The following DNAH10 variants were observed in gnomAD, a reference collection of about 807,000 sequenced individuals.
The protein encoded by DNAH10 is dynein axonemal heavy chain 10, also known as axonemal beta dynein heavy chain 10.
A neutral mutation model predicts 506.6 loss-of-function variants in DNAH10; 348 were observed. The observed-to-expected ratio is 0.69, with a 90% CI of 0.63 to 0.75. The LOEUF is 0.75. DNAH10 is among the 30% of genes least tolerant of loss of function. The pLI is 0.00. For missense variants in DNAH10, 5,179 were observed against 5,787.1 expected (o/e 0.89, Z 3.41); for synonymous variants, 2,059 against 2,198.6 (o/e 0.94, Z 1.78).
intron 52 of DNAH10, 61 bp from the exon 53 acceptor site, chr12:123,893,172 C>A: frequency 1.3e-6 from 2 of 1,517,676 alleles, no homozygotes; most frequent in Non-Finnish European, 1.8e-6. Context: ...ACTCAGTCAG[C>A]ACTTAGAGCG....
chr12:123,878,908 A>G (rs1952376825), intron 48 of DNAH10, among the ~76,000 whole-genome samples: 1 of 152,186 alleles, frequency 6.6e-6, no homozygotes, highest in African/African-American at 2.4e-5. Context: ...TAAAAAAAGA[A>G]AAAAGAGAGA....
intron 41 of DNAH10, 84 bp from the exon 42 acceptor site, chr12:123,867,383 C>G: frequency 6.8e-7 from 1 of 1,460,876 alleles, no homozygotes; most frequent in Non-Finnish European, 9.2e-7. Flanking sequence ...TTGCTCAACC[C>G]TCTTTGGGCA....
At position 123,929,387 on chromosome 12, in the gene DNAH10, A is replaced by T; in HGVS notation, c.12419A>T (p.Tyr4140Phe). The change falls in exon 71 of 79, where the codon TAC becomes TTC. Residue 4140 changes from tyrosine (Y) to phenylalanine (F), a missense_variant. Tyr to Phe is a conservative substitution (Grantham distance 22, BLOSUM62 3). This residue lies in a region of DNAH10 where 4,844 missense variants were observed against 5,430.5 expected (regional missense o/e 0.89). Coordinates refer to ENST00000673944, the MANE Select transcript of DNAH10 (RefSeq NM_001372106.1). ...CPHPAFKPLV[Y>F]VLAFFHAVVQ... ...CACCCTGCCTTCAAGCCGCTGGTCT[A>T]CGTGCTGGCGTTCTTTCATGCTGTG... is the stretch of plus-strand genomic sequence containing the variant. The T allele has an allele frequency of 6.2e-7, 1 of 1,613,282 alleles. No homozygotes were observed. The highest frequency in any genetic ancestry group is 2.2e-5 in the East Asian group (1 of 44,880).
rs1955234259 is a variant in DNAH10 at position 123,931,964 on chromosome 12, G to A, written c.13152G>A (p.Met4384Ile). 2.5e-6 allele frequency: 4 copies of A among 1,613,916 alleles called. No homozygotes were observed. Among genetic ancestry groups the A allele is most frequent in the African/African-American group, 1.3e-5 (1 of 74,932 alleles). Residue 4384 changes from methionine (M) to isoleucine (I), a missense_variant, in exon 76 of 79, where the codon ATG becomes ATA. This residue lies in a region of DNAH10 where 4,844 missense variants were observed against 5,430.5 expected (regional missense o/e 0.89). Coordinates refer to ENST00000673944, the MANE Select transcript of DNAH10 (RefSeq NM_001372106.1). ...LQRALAGEVG[M>I]SNELDDVARS... ...AGGCCTTGGCTGGAGAAGTTGGAATGAGCAATGAGTTAGATGATGTGGCCA... is the reference window on the plus strand; with the variant it reads ...AGGCCTTGGCTGGAGAAGTTGGAATAAGCAATGAGTTAGATGATGTGGCCA...
chr12:123,868,802 T>G (rs1172299114), intron 43 of DNAH10, among the ~76,000 whole-genome samples: 1 of 152,244 alleles, frequency 6.6e-6, no homozygotes, highest in Non-Finnish European at 1.5e-5. Flanking sequence ...TGGCCTCCGG[T>G]CTTTCTAATG....
chr12:123,857,397 A>G (rs1951437550), intron 37 of DNAH10, 150 bp downstream of exon 37: 1 of 733,644 alleles, frequency 1.4e-6, no homozygotes, highest in Non-Finnish European at 2.0e-6. Context: ...ACAGTAAAAT[A>G]CACATAACAA....
At chr12:123,766,155 A>G (rs895931436) in intron 1 of DNAH10, among the ~76,000 whole-genome samples, 5 of 151,986 alleles carry the variant, frequency 3.3e-5, no homozygotes, top group African/African-American at 1.2e-4. Flanking sequence ...CTACCTACCT[A>G]TACATCTATC....
At chr12:123,805,178 T>C (rs1958618607) in intron 18 of DNAH10, 138 bp downstream of exon 18, 1 of 847,240 alleles carries the variant, frequency 1.2e-6, no homozygotes, top group Admixed American at 2.5e-5. Context: ...AGAAGGGCAC[T>C]CACAGAATGG....
intron 51 of DNAH10, among the ~76,000 whole-genome samples, chr12:123,886,707 A>G (rs186114267): frequency 2.0e-5 from 3 of 152,316 alleles, no homozygotes; most frequent in African/African-American, 7.2e-5. Context: ...GGTTGCAATG[A>G]AAGTTTTAAT....
In DNAH10 at chr12:123,929,388, C is replaced by A; in HGVS notation, c.12420C>A (p.Tyr4140Ter). The A allele has an allele frequency of 5.0e-6, 8 of 1,613,280 alleles. No individual in the cohort carries two copies. Among genetic ancestry groups the A allele is most frequent in the Non-Finnish European group, 6.8e-6 (8 of 1,179,646 alleles). ...CPHPAFKPLV[Y>*]VLAFFHAVVQ... is the part of the protein sequence containing the mutation. ...ACCCTGCCTTCAAGCCGCTGGTCTA[C>A]GTGCTGGCGTTCTTTCATGCTGTGG... The change falls in exon 71 of 79, where the codon TAC (tyrosine) becomes TAA (stop). Residue 4140 changes from tyrosine (Y) to a stop codon, truncating the protein, a stop_gained. Coordinates refer to ENST00000673944, the MANE Select transcript of DNAH10 (RefSeq NM_001372106.1). LOFTEE classifies it high-confidence loss of function.
intron 35 of DNAH10, 124 bp downstream of exon 35, chr12:123,851,200 C>CTCCGTGTGGCTCT: frequency 1.0e-6 from 1 of 987,662 alleles, no homozygotes; most frequent in Non-Finnish European, 1.4e-6. Flanking sequence ...GATGTGTCAG[C>CTCCGTGTGGCTCT]TCCATGTGGC....
At chr12:123,889,950 A>G (rs958568808) in intron 52 of DNAH10, among the ~76,000 whole-genome samples, 4 of 152,034 alleles carry the variant, frequency 2.6e-5, no homozygotes, top group African/African-American at 9.7e-5. Flanking sequence ...TCCTGATGCA[A>G]ACTCAGCTGC....
chr12:123,768,185 A>G (rs1260695928), intron 2 of DNAH10, among the ~76,000 whole-genome samples: 1 of 151,468 alleles, frequency 6.6e-6, no homozygotes, highest in African/African-American at 2.4e-5. Context: ...CCCAAGCTGG[A>G]GTGTAATGGC....
chr12:123,935,246 C>G, intron 78 of DNAH10, 89 bp from the exon 79 acceptor site: 1 of 1,512,528 alleles, frequency 6.6e-7, no homozygotes, highest in Non-Finnish European at 9.0e-7. Flanking sequence ...CACAGGGGCC[C>G]CTGCCTGTCA....
Position 123,804,769 on chromosome 12 carries a change from T to C in DNAH10, c.2780-64T>C, listed in dbSNP as rs77757916. 7,294 of 1,514,730 alleles carry C rather than the reference T, an allele frequency of 4.8e-3. 102 individuals are homozygous for C. Among genetic ancestry groups the C allele is most frequent in the African/African-American group, 0.047 (3,392 of 72,396 alleles). The allele number at this position is 1,514,730 out of a possible 1,614,324, so 93.8% of individuals were successfully genotyped here. A position where few individuals can be genotyped will look rare whatever the true frequency, so the allele number is the denominator to read the frequency against. On this transcript the variant is annotated intron_variant, in intron 17 of 78. Coordinates refer to ENST00000673944, the MANE Select transcript of DNAH10 (RefSeq NM_001372106.1). ...TAAGACACACAGCTCATGTTTGGATTGCCTTTTGAGTGCTGTCCTTCCCTG... is the reference window on the plus strand; with the variant it reads ...TAAGACACACAGCTCATGTTTGGATCGCCTTTTGAGTGCTGTCCTTCCCTG...
chr12:123,847,218 T>TCC (rs1950986810), intron 32 of DNAH10, among the ~76,000 whole-genome samples: 1 of 142,724 alleles, frequency 7.0e-6, no homozygotes, highest in African/African-American at 2.6e-5. Flanking sequence ...ATCCATCCTA[T>TCC]TATCTATCTA....
chr12:123,830,638 A>C lies in DNAH10; in HGVS notation c.4484A>C (p.Lys1495Thr). 6.2e-7 allele frequency: 1 copy of C among 1,613,946 alleles called. No homozygotes were observed. Among genetic ancestry groups the C allele is most frequent in the Non-Finnish European group, 8.5e-7 (1 of 1,179,858 alleles). Residue 1495 changes from lysine to threonine, a missense_variant, in exon 26 of 79, where the codon AAA becomes ACA. Lys to Thr is a moderately conservative substitution (Grantham distance 78). Coordinates refer to ENST00000673944, the MANE Select transcript of DNAH10 (RefSeq NM_001372106.1). Reference sequence around the variant, plus strand: ...AATATGTTTGCTATGGAACTGCACAAACACACAGATGTTCTCAATGAGATT... The same window carrying C: ...AATATGTTTGCTATGGAACTGCACACACACACAGATGTTCTCAATGAGATT... ...LENMFAMELHKHTDVLNEIVT... is the reference protein window; with the variant it reads ...LENMFAMELHTHTDVLNEIVT...
chr12:123,853,874 A>T lies in DNAH10; in HGVS notation c.6438+522A>T. On this transcript the variant is annotated intron_variant, in intron 36 of 78. Transcript: ENST00000673944. The surrounding 1 kb of genome is among the most constrained non-coding windows in gnomAD (Gnocchi z 4.7). ...CACACGCACGCGCACACACACACGG[A>T]TACATGCACGCGCACACACGTACGC... 6.7e-6 allele frequency among the ~76,000 whole-genome samples: 1 copy of T among 150,202 alleles called. No homozygotes were observed.
rs1486005193 is a variant in DNAH10, at chr12:123,928,411, G to A, written c.12130G>A (p.Ala4044Thr). ...GGTGGCCCTGCAGCTGCTGGAGACG[G>A]CGGTGGCTCGGGGGCAGTGGCTGAT... ...EKVALQLLET[A>T]VARGQWLMLQ... Residue 4044 changes from alanine (A) to threonine (T), a missense_variant, in exon 70 of 79, where the codon GCG becomes ACG. By Grantham distance (58) the Ala-to-Thr change is moderately conservative (BLOSUM62 0). Coordinates refer to ENST00000673944, the MANE Select transcript of DNAH10 (RefSeq NM_001372106.1). This position sits in a 1 kb window ranked among gnomAD's most constrained non-coding sequence, Gnocchi z 4.9. 2 of 1,604,970 alleles carry A rather than the reference G, an allele frequency of 1.2e-6. No homozygotes were observed. The highest frequency in any genetic ancestry group is 2.7e-5 in the African/African-American group (2 of 74,796).
Sources: gnomAD v4.1 joint callset for allele counts (sites outside exome capture counted in the v4.1 genomes callset) on GRCh38, gnomAD v4.1.1 for gene constraint, gnomAD v4.1.1 regional missense constraint, Gnocchi (gnomAD v3.1) non-coding constraint, MANE v1.5 for transcripts, NCBI Gene and HGNC (gene_info 2026-07-23, HGNC 2026-07-21) for gene names.